IFIT5: variants seen among roughly 807,000 people sequenced by gnomAD.
IFIT5 encodes the protein interferon induced protein with tetratricopeptide repeats 5, also known as interferon-induced protein with tetratricopeptide repeats 5.
In IFIT5, 2 loss-of-function variants were observed where a neutral mutation model predicts 5.0. The ratio of observed to expected loss-of-function variants is 0.40; its 90% CI spans 0.16 to 1.26. The LOEUF is 1.26. IFIT5 is among the 50% of genes most tolerant of loss of function. The probability of loss-of-function intolerance (pLI) is 0.33; values close to 1 mark genes in which losing one functional copy is unlikely to be tolerated. For synonymous variants in IFIT5, 206 were observed against 204.6 expected (o/e 1.01, Z -0.06); for missense variants, 524 against 563.2 (o/e 0.93, Z 0.70).
In IFIT5 at chr10:89,418,585, A is replaced by G; in HGVS notation, c.1386A>G (p.Gln462=). The G allele has an allele frequency of 6.2e-7, 1 of 1,614,186 alleles. No homozygotes were observed. The highest frequency in any genetic ancestry group is 2.2e-5 in the East Asian group (1 of 44,882). The change falls in exon 2 of 2, where the codon CAA becomes CAG. Residue 462 remains glutamine, a synonymous_variant. Coordinates refer to ENST00000371795, the MANE Select transcript of IFIT5 (RefSeq NM_012420.3). ...CTGCTGAGTACTATGAGAAGGCACA[A>G]AAGATAGATCCAGAAAATGCAGAAT... The part of the protein sequence containing the change: ...RQAAEYYEKA[Q]KIDPENAEFL...
intron 1 of IFIT5, among the ~76,000 whole-genome samples, 153 bp from the exon 2 acceptor site, chr10:89,417,052 A>T (rs930903263): frequency 1.3e-5 from 2 of 152,250 alleles, no homozygotes; most frequent in African/African-American, 4.8e-5. Flanking sequence ...TGTATATAGA[A>T]GAAACTCTAG....
Position 89,414,825 on chromosome 10 carries a change from T to C in IFIT5, c.5+22T>C, listed in dbSNP as rs139147243. ...TGAGGTAAGGGTTTTCCTTTGCCTC[T>C]CCTCCCAAGCCCTGCGTCGGCCTTG... On this transcript the variant is annotated intron_variant, in intron 1 of 1. Transcript: ENST00000371795. 4.4e-5 allele frequency: 70 copies of C among 1,608,154 alleles called. No individual in the cohort carries two copies. The African/African-American group carries it at 8.6e-4, about 20-fold the overall frequency.
At chr10:89,414,887 A>G (rs1841515908) in intron 1 of IFIT5, 84 bp downstream of exon 1, 5 of 1,532,488 alleles carry the variant, frequency 3.3e-6, no homozygotes, top group Non-Finnish European at 4.4e-6. Context: ...TTTCCAGCGC[A>G]GTTCTGCGGC....
At position 89,414,788 on chromosome 10, in the gene IFIT5, G is replaced by T; in HGVS notation, c.-11G>T. On this transcript the variant is annotated 5_prime_UTR_variant, in exon 1 of 2. Transcript: ENST00000371795. ...CTGCGCCGCCCGGACGGCCTGCAGAGCGCTGCCATCATGAGGTAAGGGTTT... is the reference window on the plus strand; with the variant it reads ...CTGCGCCGCCCGGACGGCCTGCAGATCGCTGCCATCATGAGGTAAGGGTTT... The T allele has an allele frequency of 3.1e-6, 5 of 1,609,732 alleles. No homozygotes were observed. The highest frequency in any genetic ancestry group is 4.2e-6 in the Non-Finnish European group (5 of 1,178,296).
intron 1 of IFIT5, among the ~76,000 whole-genome samples, chr10:89,416,047 C>G (rs915679319): frequency 6.6e-6 from 1 of 152,186 alleles, no homozygotes; most frequent in Non-Finnish European, 1.5e-5. Context: ...CTCAGCTTCC[C>G]GTGTAGCTGG....
chr10:89,415,992 G>C (rs920454822), intron 1 of IFIT5, among the ~76,000 whole-genome samples: 2 of 152,112 alleles, frequency 1.3e-5, no homozygotes, highest in Non-Finnish European at 2.9e-5. Flanking sequence ...GCTCCATCTC[G>C]GCTCACTGCA....
At position 89,418,833 on chromosome 10, in the gene IFIT5, C is replaced by CT. The variant is rs1006251615; in HGVS notation, c.*192dup. On this transcript the variant is annotated 3_prime_UTR_variant, in exon 2 of 2. Transcript: ENST00000371795. ...TGATGAATCTTGTGCGGTTTTCTTTCTTTTTTTCTTTTTAATTAAAATACT... is the reference window on the plus strand; with the variant it reads ...TGATGAATCTTGTGCGGTTTTCTTTCTTTTTTTTCTTTTTAATTAAAATACT... 9 of 506,722 alleles carry CT rather than the reference C, an allele frequency of 1.8e-5. No homozygotes were observed. The highest frequency in any genetic ancestry group is 5.4e-4 in the Middle Eastern group (1 of 1,836). 31.4% of individuals were successfully genotyped at this position (506,722 alleles called of 1,614,324 possible).
rs1217671672 is a variant in IFIT5 at position 89,420,318 on chromosome 10, G to T, written c.*1670G>T. 6.6e-6 allele frequency: 1 copy of T among 152,176 alleles called. No individual in the cohort carries two copies. The highest frequency in any genetic ancestry group is 1.5e-5 in the Non-Finnish European group (1 of 68,026). 9.4% of individuals were successfully genotyped at this position (152,176 alleles called of 1,614,324 possible). ...TTTACTCAAGAATTTCAGAAAGTCA[G>T]CACTGAAGTCCTGACCTATCAGTAG... On this transcript the variant is annotated 3_prime_UTR_variant, in exon 2 of 2. Coordinates refer to ENST00000371795, the MANE Select transcript of IFIT5 (RefSeq NM_012420.3).
In IFIT5 at chr10:89,418,063, G is replaced by A; in HGVS notation, c.864G>A (p.Gln288=). 1.9e-6 allele frequency: 3 copies of A among 1,614,202 alleles called. No homozygotes were observed. Among genetic ancestry groups the A allele is most frequent in the Non-Finnish European group, 1.7e-6 (2 of 1,180,032 alleles). Residue 288 remains glutamine (Q), a synonymous_variant, in exon 2 of 2, where the codon CAG becomes CAA. Coordinates refer to ENST00000371795, the MANE Select transcript of IFIT5 (RefSeq NM_012420.3). ...VTPTSSFLHH[Q]MGLCYRAQMI... is the part of the protein sequence containing the mutation. ...CAACTTCTTCTTTCCTGCATCACCAGATGGGACTTTGCTACAGGGCACAAA... is the reference window on the plus strand; with the variant it reads ...CAACTTCTTCTTTCCTGCATCACCAAATGGGACTTTGCTACAGGGCACAAA...
Position 89,414,740 on chromosome 10 carries a change from TGAG to T in IFIT5, c.-55_-53del. Reference sequence around the variant, plus strand: ...CGCGGCTTCCCGCGGTCCCCGGTGCTGAGGAGAGAGCGATCCGAGGGACTGCGC... The same window carrying T: ...CGCGGCTTCCCGCGGTCCCCGGTGCTGAGAGAGCGATCCGAGGGACTGCGC... On this transcript the variant is annotated 5_prime_UTR_variant, in exon 1 of 2. Transcript: ENST00000371795. 2 of 1,592,194 alleles carry T rather than the reference TGAG, an allele frequency of 1.3e-6. No homozygotes were observed. The highest frequency in any genetic ancestry group is 8.5e-7 in the Non-Finnish European group (1 of 1,173,210).
At position 89,417,751 on chromosome 10, in the gene IFIT5, G is replaced by GT; in HGVS notation, c.553dup (p.Tyr185LeufsTer5). On this transcript the variant is annotated frameshift_variant, in exon 2 of 2. Transcript: ENST00000371795. LOFTEE classifies it low-confidence loss of function (END_TRUNC). ...TTAACATCGGCTATGCTATCACAGT[G>GT]TATCGGCTGGATGATTCTGATAGAG... 6.2e-7 allele frequency: 1 copy of GT among 1,614,218 alleles called. No individual in the cohort carries two copies. Among genetic ancestry groups the GT allele is most frequent in the Non-Finnish European group, 8.5e-7 (1 of 1,180,020 alleles).
At chr10:89,415,400 G>A (rs1275979050) in intron 1 of IFIT5, among the ~76,000 whole-genome samples, 12 of 152,208 alleles carry the variant, frequency 7.9e-5, no homozygotes. Context: ...CCCTGCAGGC[G>A]TCAGGTTCGC....
rs1841511516 is a variant in IFIT5 at position 89,414,716 on chromosome 10, G to T, written c.-83G>T. ...GCACGCGCACGCGCACGCCCACCGCGCGGCTTCCCGCGGTCCCCGGTGCTG... is the reference window on the plus strand; with the variant it reads ...GCACGCGCACGCGCACGCCCACCGCTCGGCTTCCCGCGGTCCCCGGTGCTG... On this transcript the variant is annotated 5_prime_UTR_variant, in exon 1 of 2. Coordinates refer to ENST00000371795, the MANE Select transcript of IFIT5 (RefSeq NM_012420.3). 1.3e-6 allele frequency: 2 copies of T among 1,534,386 alleles called. No individual in the cohort carries two copies. Among genetic ancestry groups the T allele is most frequent in the Middle Eastern group, 1.9e-4 (1 of 5,306 alleles).
At position 89,414,778 on chromosome 10, in the gene IFIT5, G is replaced by C. The variant is rs780526638; in HGVS notation, c.-21G>C. The C allele has an allele frequency of 3.1e-6, 5 of 1,607,668 alleles. No homozygotes were observed. The highest frequency in any genetic ancestry group is 1.1e-5 in the South Asian group (1 of 90,302). On this transcript the variant is annotated 5_prime_UTR_variant, in exon 1 of 2. Coordinates refer to ENST00000371795, the MANE Select transcript of IFIT5 (RefSeq NM_012420.3). ...ATCCGAGGGACTGCGCCGCCCGGAC[G>C]GCCTGCAGAGCGCTGCCATCATGAG...
Position 89,418,507 on chromosome 10 carries a change from G to A in IFIT5, c.1308G>A (p.Gln436=). The A allele has an allele frequency of 6.2e-7, 1 of 1,614,192 alleles. No homozygotes were observed. Among genetic ancestry groups the A allele is most frequent in the Middle Eastern group, 1.6e-4 (1 of 6,062 alleles). Residue 436 remains glutamine, a synonymous_variant, in exon 2 of 2, where the codon CAG becomes CAA. Coordinates refer to ENST00000371795, the MANE Select transcript of IFIT5 (RefSeq NM_012420.3). The part of the protein sequence containing the change: ...KRLCHNALDV[Q]SLSALGFVYK... ...TTTGTCACAATGCTTTAGATGTGCA[G>A]AGTTTAAGTGCCCTAGGGTTTGTTT...
In IFIT5 at chr10:89,420,145, T is replaced by A. The variant is rs993240042; in HGVS notation, c.*1497T>A. Reference sequence around the variant, plus strand: ...AATTTGATATGTAAACTTCCAGATCTTTTTTCTATGCGTAATCAGACATAC... The same window carrying A: ...AATTTGATATGTAAACTTCCAGATCATTTTTCTATGCGTAATCAGACATAC... On this transcript the variant is annotated 3_prime_UTR_variant, in exon 2 of 2. Transcript: ENST00000371795. 1.3e-5 allele frequency: 2 copies of A among 152,214 alleles called. No homozygotes were observed. Among genetic ancestry groups the A allele is most frequent in the African/African-American group, 4.8e-5 (2 of 41,454 alleles). The allele number at this position is 152,214 out of a possible 1,614,324, so 9.4% of individuals were successfully genotyped here.
chr10:89,417,615 A>C lies in IFIT5; in HGVS notation c.416A>C (p.Glu139Ala), dbSNP rs1377197975. 1 of 1,614,092 alleles carries C rather than the reference A, an allele frequency of 6.2e-7. No homozygotes were observed. The highest frequency in any genetic ancestry group is 8.5e-7 in the Non-Finnish European group (1 of 1,180,038). Reference sequence around the variant, plus strand: ...TCTAACTACAAGTTGGAGTGTCCTGAGACTGACTGTGAGAAAGGCTGGGCA... The same window carrying C: ...TCTAACTACAAGTTGGAGTGTCCTGCGACTGACTGTGAGAAAGGCTGGGCA... ...SPSNYKLECPETDCEKGWALL... is the reference protein window; with the variant it reads ...SPSNYKLECPATDCEKGWALL... Residue 139 changes from glutamate (E) to alanine (A), a missense_variant, in exon 2 of 2, where the codon GAG becomes GCG. Physicochemically the swap from Glu to Ala is moderately radical, Grantham distance 107 (BLOSUM62 -1). Transcript: ENST00000371795.
Position 89,417,582 on chromosome 10 carries a change from C to A in IFIT5, c.383C>A (p.Ser128Tyr). 3 of 1,614,142 alleles carry A rather than the reference C, an allele frequency of 1.9e-6. No homozygotes were observed. The highest frequency in any genetic ancestry group is 2.5e-6 in the Non-Finnish European group (3 of 1,180,022). The change falls in exon 2 of 2, where the codon TCC becomes TAC. Residue 128 changes from serine (S) to tyrosine (Y), a missense_variant. By Grantham distance (144) the Ser-to-Tyr change is moderately radical (BLOSUM62 -2). Coordinates refer to ENST00000371795, the MANE Select transcript of IFIT5 (RefSeq NM_012420.3). ...GKIGNVCKKL[S>Y]SPSNYKLECP... ...ATAGGGAATGTCTGTAAGAAATTGT[C>A]CAGTCCTTCTAACTACAAGTTGGAG...
At position 89,418,313 on chromosome 10, in the gene IFIT5, G is replaced by C. The variant is rs758943990; in HGVS notation, c.1114G>C (p.Asp372His). The change falls in exon 2 of 2, where the codon GAT becomes CAT. Residue 372 changes from aspartate (D) to histidine (H), a missense_variant. Asp to His is a moderately conservative substitution (Grantham distance 81). Transcript: ENST00000371795. ...AGCTCTTCGTCTGGAGAACATAACC[G>C]ATGATCACAAACATCAGATCCATTA... ...RKALRLENITDDHKHQIHYHY... is the reference protein window; with the variant it reads ...RKALRLENITHDHKHQIHYHY... 1 of 1,614,012 alleles carries C rather than the reference G, an allele frequency of 6.2e-7. No individual in the cohort carries two copies. Among genetic ancestry groups the C allele is most frequent in the Non-Finnish European group, 8.5e-7 (1 of 1,180,018 alleles).
Sources: allele counts gnomAD v4.1 joint callset (sites outside exome capture counted in the v4.1 genomes callset), GRCh38; gene constraint gnomAD v4.1.1; transcripts MANE v1.5; gene names NCBI Gene and HGNC (gene_info 2026-07-23, HGNC 2026-07-21).